DDX42: variants seen among roughly 807,000 people sequenced by gnomAD.
DDX42 encodes the protein DEAD-box helicase 42.
A neutral mutation model predicts 101.5 loss-of-function variants in DDX42; 22 were observed. The ratio of observed to expected loss-of-function variants is 0.22; its 90% confidence interval spans 0.15 to 0.31. DDX42 has a LOEUF of 0.31. Ranked by LOEUF, DDX42 falls within the 10% of genes least tolerant of loss-of-function variation. The pLI, the probability that DDX42 is intolerant of heterozygous loss-of-function variation, is 1.00. For synonymous variants in DDX42, 402 were observed against 401.2 expected, an observed-to-expected ratio of 1.00 and a Z score of -0.02; for missense variants, 849 against 1,199.9, an observed-to-expected ratio of 0.71 and a Z score of 4.32.
Position 63,800,636 on chromosome 17 carries a change from A to C in DDX42, c.621+19A>C. On this transcript the variant is annotated intron_variant, in intron 6 of 17. Coordinates refer to ENST00000389924, the MANE Select transcript of DDX42 (RefSeq NM_203499.3). ...TTCAGAGGTATGGTGTTTCTTGCTG[A>C]ATTTTACTCTTGTTTCAAGCTGATG... The C allele has an allele frequency of 6.2e-7, 1 of 1,609,090 alleles. No homozygotes were observed. The highest frequency in any genetic ancestry group is 1.1e-5 in the South Asian group (1 of 89,988).
intron 1 of DDX42, among the ~76,000 whole-genome samples, chr17:63,781,259 C>G (rs2039484674): frequency 6.6e-6 from 1 of 152,132 alleles, no homozygotes; most frequent in Admixed American, 6.5e-5. Context: ...GCACTCTCGC[C>G]CAGGCTGGAG....
At chr17:63,809,744 A>G in intron 11 of DDX42, 85 bp downstream of exon 11, 2 of 1,095,372 alleles carry the variant, frequency 1.8e-6, no homozygotes, top group South Asian at 2.6e-5. Context: ...TTTTTTCAGC[A>G]TGAGAGAAGC....
chr17:63,808,924 G>T lies in DDX42; in HGVS notation c.1128G>T (p.Gly376=), dbSNP rs779530681. 6.2e-7 allele frequency: 1 copy of T among 1,613,962 alleles called. No homozygotes were observed. The highest frequency in any genetic ancestry group is 1.7e-5 in the Admixed American group (1 of 60,018). The stretch of plus-strand genomic sequence containing the variant: ...AGCAGGCCAAGGCCCTTCAGGAGGG[G>T]GCAGAGATTGTTGTGTGTACCCCAG... ...MWEQAKALQE[G]AEIVVCTPGR... The change falls in exon 10 of 18, where the codon GGG becomes GGT. Residue 376 remains glycine (G), a synonymous_variant. Transcript: ENST00000389924.
At position 63,774,234 on chromosome 17, in the gene DDX42, TGG is replaced by T; in HGVS notation, c.-158_-157del. ...GCGGTGGTGGCGGTGGCGGCGGCGG[TGG>T]TGGTGGTGGCGGCGGCGGCGGCGAA... On this transcript the variant is annotated 5_prime_UTR_variant, in exon 1 of 18. Transcript: ENST00000389924. 4.0e-6 allele frequency: 1 copy of T among 253,106 alleles called. No homozygotes were observed. Among genetic ancestry groups the T allele is most frequent in the South Asian group, 1.1e-4 (1 of 9,164 alleles). The allele number at this position is 253,106 out of a possible 1,614,324, so 15.7% of individuals were successfully genotyped here.
At chr17:63,799,157 T>C (rs997385248) in intron 4 of DDX42, among the ~76,000 whole-genome samples, 2 of 152,182 alleles carry the variant, frequency 1.3e-5, no homozygotes, top group Non-Finnish European at 2.9e-5. Context: ...CCATTTACCC[T>C]AGAGCTAGAA....
At position 63,792,518 on chromosome 17, in the gene DDX42, GAC is replaced by G; in HGVS notation, c.330_331del (p.Asp110GlufsTer3). 6.2e-7 allele frequency: 1 copy of G among 1,613,788 alleles called. No homozygotes were observed. Among genetic ancestry groups the G allele is most frequent in the Non-Finnish European group, 8.5e-7 (1 of 1,179,842 alleles). ...ATTCCATTCCAAGCCAGTAGATTCT[GAC>G]AGCGATGATGATCCCTTGGAGGCAT... is the stretch of plus-strand genomic sequence containing the variant. ...QQFHSKPVDSDSDDDPLEAFM... is the reference protein window; with the variant it reads ...QQFHSKPVDSXSDDDPLEAFM... On this transcript the variant is annotated frameshift_variant, in exon 3 of 18. Coordinates refer to ENST00000389924, the MANE Select transcript of DDX42 (RefSeq NM_203499.3). LOFTEE classifies it high-confidence loss of function.
At chr17:63,795,899 G>A (rs890099218) in intron 3 of DDX42, among the ~76,000 whole-genome samples, 2 of 152,252 alleles carry the variant, frequency 1.3e-5, no homozygotes, top group South Asian at 4.1e-4. Context: ...GTATCATTCT[G>A]TATCTGAGTT....
intron 1 of DDX42, among the ~76,000 whole-genome samples, chr17:63,784,026 T>G (rs1348295633): frequency 1.3e-5 from 2 of 152,104 alleles, no homozygotes; most frequent in Non-Finnish European, 2.9e-5. Context: ...ATTGTACCAC[T>G]GCACTCCAGC....
At chr17:63,817,128 T>C in intron 17 of DDX42, 162 bp downstream of exon 17, 2 of 594,996 alleles carry the variant, frequency 3.4e-6, no homozygotes, top group South Asian at 2.1e-5. Context: ...AGTAGCTTAG[T>C]TGGAAATGCA....
In DDX42 at chr17:63,818,204, C is replaced by T. The variant is rs770547328; in HGVS notation, c.2623C>T (p.Arg875Trp). ...GGSAGRHGEN[R>W]GANDGRNGES... ...AAGCGCAGGCCGGCATGGGGAGAAC[C>T]GGGGTGCAAATGATGGTCGGAATGG... Residue 875 changes from arginine to tryptophan, a missense_variant, in exon 18 of 18, where the codon CGG becomes TGG. By Grantham distance (101) the Arg-to-Trp change is moderately radical. Coordinates refer to ENST00000389924, the MANE Select transcript of DDX42 (RefSeq NM_203499.3). 16 of 1,613,770 alleles carry T rather than the reference C, an allele frequency of 9.9e-6. No individual in the cohort carries two copies. The highest frequency in any genetic ancestry group is 2.7e-5 in the African/African-American group (2 of 74,842).
At chr17:63,801,864 T>C (rs1379491992) in intron 6 of DDX42, among the ~76,000 whole-genome samples, 1 of 152,198 alleles carries the variant, frequency 6.6e-6, no homozygotes, top group Non-Finnish European at 1.5e-5. Flanking sequence ...CCTTAAGGAA[T>C]GAGGACATCG....
At chr17:63,802,510 G>A (rs1598335909) in intron 6 of DDX42, among the ~76,000 whole-genome samples, 1 of 152,216 alleles carries the variant, frequency 6.6e-6, no homozygotes, top group South Asian at 2.1e-4. Flanking sequence ...GCTCACGCCT[G>A]TAATTTCAAC....
Position 63,811,817 on chromosome 17 carries a change from G to T in DDX42, c.1399-115G>T. On this transcript the variant is annotated intron_variant, in intron 13 of 17. Coordinates refer to ENST00000389924, the MANE Select transcript of DDX42 (RefSeq NM_203499.3). ...ACTTGACTTGCTGAAGGCCCAAGGA[G>T]AACTGGGATTGTTCAAGGTCTTCTC... 16 of 1,392,270 alleles carry T rather than the reference G, an allele frequency of 1.1e-5. No individual in the cohort carries two copies. The South Asian group carries it at 2.0e-4, about 18-fold the overall frequency. 86.2% of individuals were successfully genotyped at this position (1,392,270 alleles called of 1,614,324 possible). A position where few individuals can be genotyped will look rare whatever the true frequency, so the allele number is the denominator to read the frequency against.
intron 1 of DDX42, among the ~76,000 whole-genome samples, chr17:63,785,488 G>A (rs1371684149): frequency 6.6e-6 from 1 of 150,882 alleles, no homozygotes; most frequent in African/African-American, 2.4e-5. Flanking sequence ...TGGGCCAGGT[G>A]CAGTGGCTCA....
intron 5 of DDX42, 87 bp downstream of exon 5, chr17:63,799,712 T>C (rs922503032): frequency 3.0e-5 from 41 of 1,354,756 alleles, no homozygotes; most frequent in African/African-American, 2.2e-4. Context: ...TCACTCAAAA[T>C]GGCCATTCCT....
intron 6 of DDX42, among the ~76,000 whole-genome samples, chr17:63,803,010 T>C (rs1158906388): frequency 6.6e-6 from 1 of 152,140 alleles, no homozygotes; most frequent in East Asian, 1.9e-4. Flanking sequence ...TTAAAGACCA[T>C]TGTGACAAAA....
intron 1 of DDX42, among the ~76,000 whole-genome samples, chr17:63,778,462 C>T (rs1005651429): frequency 1.3e-5 from 2 of 152,174 alleles, no homozygotes; most frequent in African/African-American, 4.8e-5. Flanking sequence ...ACTTTTGCTA[C>T]CTGGAATTAC....
intron 3 of DDX42, among the ~76,000 whole-genome samples, chr17:63,794,989 C>T (rs1480349071): frequency 6.6e-6 from 1 of 151,166 alleles, no homozygotes; most frequent in Admixed American, 6.6e-5. Context: ...AAATAAAATC[C>T]TTTCGGATTC....
Position 63,811,928 on chromosome 17 carries a change from T to A in DDX42, c.1399-4T>A. 6.2e-7 allele frequency: 1 copy of A among 1,614,248 alleles called. No homozygotes were observed. The highest frequency in any genetic ancestry group is 8.5e-7 in the Non-Finnish European group (1 of 1,180,038). ...AATCATCTGTTTCATTTCTTCCTTC[T>A]CAGGCAAATGAAGATGTGACACAGA... On this transcript the variant is annotated splice_region_variant and splice_polypyrimidine_tract_variant and intron_variant, in intron 13 of 17. Transcript: ENST00000389924.
Sources: gnomAD v4.1 joint callset for allele counts (sites outside exome capture counted in the v4.1 genomes callset) on GRCh38, gnomAD v4.1.1 for gene constraint, MANE v1.5 for transcripts, NCBI Gene and HGNC (gene_info 2026-07-23, HGNC 2026-07-21) for gene names.